The following CEP192 variants were observed in gnomAD, a reference collection of about 807,000 sequenced individuals.
The protein encoded by CEP192 is centrosomal protein of 192 kDa.
In CEP192, 151 loss-of-function variants were observed where a neutral mutation model predicts 271.8. The ratio of observed to expected loss-of-function variants is 0.56; its 90% CI spans 0.49 to 0.64. CEP192 has a LOEUF of 0.64. CEP192 is among the 30% of genes least tolerant of loss of function. CEP192 has a pLI of 0.00. For synonymous variants in CEP192, 995 were observed against 1,076.5 expected (o/e 0.92, Z 1.48); for missense variants, 2,910 against 3,020.5 (o/e 0.96, Z 0.86).
At chr18:13,063,435 T>G (rs2037515015) in intron 21 of CEP192, among the ~76,000 whole-genome samples, 1 of 152,244 alleles carries the variant, frequency 6.6e-6, no homozygotes, top group Non-Finnish European at 1.5e-5. Context: ...GATATTTCAT[T>G]GTAGTTTTGA....
At chr18:13,076,367 G>A (rs1011541365) in intron 30 of CEP192, among the ~76,000 whole-genome samples, 2 of 151,902 alleles carry the variant, frequency 1.3e-5, no homozygotes, top group African/African-American at 4.8e-5. Flanking sequence ...TGGGACTACA[G>A]GCGCGTGCCA....
At chr18:13,050,552 ACTT>A (rs941874736) in intron 17 of CEP192, among the ~76,000 whole-genome samples, 3 of 150,364 alleles carry the variant, frequency 2.0e-5, no homozygotes, top group Non-Finnish European at 4.4e-5. Flanking sequence ...ATACACAGTC[ACTT>A]CTTATTTAAT....
chr18:13,069,286 T>G (rs920186911), intron 26 of CEP192, 105 bp downstream of exon 26: 1 of 901,610 alleles, frequency 1.1e-6, no homozygotes, highest in Non-Finnish European at 1.8e-6. Flanking sequence ...CAGAGTGCCC[T>G]GAACCTCAGA....
intron 30 of CEP192, among the ~76,000 whole-genome samples, chr18:13,080,756 A>T (rs183277682): frequency 3.3e-5 from 5 of 152,178 alleles, no homozygotes; most frequent in African/African-American, 1.2e-4. Flanking sequence ...CCCATTCACT[A>T]TGATATTGGC....
chr18:13,041,581 C>CTT (rs1173852772), intron 14 of CEP192, among the ~76,000 whole-genome samples: 86 of 141,558 alleles, frequency 6.1e-4, no homozygotes, highest in African/African-American at 1.8e-3. Context: ...GAGACAGTCT[C>CTT]TTTTTTTTTT....
intron 30 of CEP192, among the ~76,000 whole-genome samples, chr18:13,076,496 G>A (rs1173662438): frequency 6.6e-6 from 1 of 152,114 alleles, no homozygotes; most frequent in African/African-American, 2.4e-5. Flanking sequence ...GATTACAGGC[G>A]TGAGCCACGC....
chr18:13,117,708 G>A, intron 44 of CEP192, 65 bp downstream of exon 44: 2 of 1,185,482 alleles, frequency 1.7e-6, no homozygotes, highest in Non-Finnish European at 2.5e-6. Flanking sequence ...TTGGGAGTTG[G>A]GGCTTGTGAG....
Position 13,095,607 on chromosome 18 carries a change from C to T in CEP192, c.6359C>T (p.Pro2120Leu), listed in dbSNP as rs535094011. The T allele has an allele frequency of 7.7e-5, 125 of 1,614,204 alleles. No homozygotes were observed. The South Asian group carries it at 1.3e-3, about 16-fold the overall frequency. ...CTTCTCTCACGGGCGGCTCGCCCGC[C>T]TCTGGATCAGCTGGCCTCCGAAGAG... ...SPLLSRAARPPLDQLASEEPW... is the reference protein window; with the variant it reads ...SPLLSRAARPLLDQLASEEPW... Residue 2120 changes from proline (P) to leucine (L), a missense_variant, in exon 35 of 45, where the codon CCT becomes CTT. Pro to Leu is a moderately conservative substitution (Grantham distance 98). Transcript: ENST00000506447.
At chr18:13,018,280 C>T (rs1307986480) in intron 7 of CEP192, among the ~76,000 whole-genome samples, 200 bp from the exon 8 acceptor site, 2 of 152,126 alleles carry the variant, frequency 1.3e-5, no homozygotes, top group Non-Finnish European at 2.9e-5. Context: ...TCATCTTATT[C>T]CCCGGCAACT....
At chr18:12,997,666 C>G (rs921343647) in intron 1 of CEP192, among the ~76,000 whole-genome samples, 3 of 152,098 alleles carry the variant, frequency 2.0e-5, no homozygotes, top group African/African-American at 7.2e-5. Flanking sequence ...TTACATAGAA[C>G]TGAGTTTCTG....
At chr18:13,019,244 A>C (rs991830871) in intron 9 of CEP192, 38 bp downstream of exon 9, 3 of 1,456,160 alleles carry the variant, frequency 2.1e-6, no homozygotes, top group Non-Finnish European at 1.8e-6. Flanking sequence ...CTATAAAAAA[A>C]GGAATAAGGG....
intron 15 of CEP192, among the ~76,000 whole-genome samples, 162 bp downstream of exon 15, chr18:13,042,496 T>C (rs2036263601): frequency 6.6e-6 from 1 of 152,226 alleles, no homozygotes; most frequent in Non-Finnish European, 1.5e-5. Flanking sequence ...TTTTAAGTTT[T>C]TGTGGCGATA....
intron 40 of CEP192, among the ~76,000 whole-genome samples, chr18:13,110,011 A>C (rs974226033): frequency 6.6e-6 from 1 of 152,200 alleles, no homozygotes; most frequent in African/African-American, 2.4e-5. Flanking sequence ...AATGGTCTTT[A>C]TGGGTTGTCC....
At chr18:13,122,371 G>A (rs375185416) in intron 44 of CEP192, among the ~76,000 whole-genome samples, 26 of 152,298 alleles carry the variant, frequency 1.7e-4, no homozygotes, top group Non-Finnish European at 3.1e-4. Context: ...GCAGTGAGCC[G>A]AGATCGTGCC....
intron 3 of CEP192, among the ~76,000 whole-genome samples, chr18:13,002,835 G>GTCTATTCATTA (rs1399319457): frequency 1.2e-4 from 19 of 152,142 alleles, no homozygotes; most frequent in Admixed American, 1.0e-3. Context: ...CTACTTTAAT[G>GTCTATTCATTA]TCTATTCATT....
intron 17 of CEP192, among the ~76,000 whole-genome samples, chr18:13,051,612 C>G (rs538729525): frequency 2.6e-5 from 4 of 152,100 alleles, no homozygotes; most frequent in African/African-American, 9.7e-5. Flanking sequence ...GGTGCAATCT[C>G]GGCTCACTGC....
chr18:13,051,995 G>A (rs1302678078), intron 17 of CEP192, among the ~76,000 whole-genome samples: 4 of 152,228 alleles, frequency 2.6e-5, no homozygotes, highest in African/African-American at 9.6e-5. Flanking sequence ...CAGAGCATAG[G>A]TGTGGAGACT....
chr18:13,100,604 A>T (rs1048079060), intron 38 of CEP192, 92 bp downstream of exon 38: 41 of 998,734 alleles, frequency 4.1e-5, no homozygotes, highest in South Asian at 3.9e-4. Context: ...ATAAATATAA[A>T]TTTCCTCCTA....
At position 13,096,261 on chromosome 18, in the gene CEP192, G is replaced by A; in HGVS notation, c.6511G>A (p.Ala2171Thr). The A allele has an allele frequency of 6.2e-7, 1 of 1,614,076 alleles. No individual in the cohort carries two copies. The highest frequency in any genetic ancestry group is 8.5e-7 in the Non-Finnish European group (1 of 1,179,922). Reference sequence around the variant, plus strand: ...ACTGAGATTTGAGCTGTGCTGGCCAGCGCATTGCCTCACAGTCACGCCGCA... The same window carrying A: ...ACTGAGATTTGAGCTGTGCTGGCCAACGCATTGCCTCACAGTCACGCCGCA... Reference protein sequence around the residue: ...RLLRFELCWPAHCLTVTPQHG... With the variant: ...RLLRFELCWPTHCLTVTPQHG... The change falls in exon 36 of 45, where the codon GCG becomes ACG. Residue 2171 changes from alanine (A) to threonine (T), a missense_variant. Physicochemically the swap from Ala to Thr is moderately conservative, Grantham distance 58. Coordinates refer to ENST00000506447, the MANE Select transcript of CEP192 (RefSeq NM_032142.4).
Sources: gnomAD v4.1 joint callset for allele counts (sites outside exome capture counted in the v4.1 genomes callset) on GRCh38, gnomAD v4.1.1 for gene constraint, MANE v1.5 for transcripts, NCBI Gene and HGNC (gene_info 2026-07-23, HGNC 2026-07-21) for gene names.